Variants in PCDHGA4 observed in about 807,000 individuals in gnomAD.
PCDHGA4 encodes protocadherin gamma-A4.
A neutral mutation model predicts 54.6 loss-of-function variants in PCDHGA4; 38 were observed. The observed-to-expected ratio is 0.70, with a 90% confidence interval of 0.54 to 0.91. The LOEUF is 0.91. PCDHGA4 is among the 40% of genes least tolerant of loss of function. The probability of loss-of-function intolerance (pLI) is 0.00; values close to 1 mark genes in which losing one functional copy is unlikely to be tolerated. For missense variants in PCDHGA4, 1,298 were observed against 1,220.9 expected (o/e 1.06, Z -0.94); for synonymous variants, 511 against 512.9 (o/e 1.00, Z 0.05).
At chr5:141,419,204 GC>G (rs2096344015) in intron 1 of PCDHGA4, 9 of 1,613,916 alleles carry the variant, frequency 5.6e-6, no homozygotes, top group Non-Finnish European at 7.6e-6. Context: ...CAATGACAAC[GC>G]GCCGGTTTTC....
Position 141,408,151 on chromosome 5 carries a change from T to G in PCDHGA4, c.2514+50530T>G, listed in dbSNP as rs2154539780. ...CGAATGCTCTTTTAGCGCGGTAGAG[T>G]GCACTTTCTCCAACTGGAAAAGCGG... On this transcript the variant is annotated intron_variant, in intron 1 of 3. Transcript: ENST00000571252. 3.3e-6 allele frequency: 5 copies of G among 1,506,938 alleles called. No individual in the cohort carries two copies. In the East Asian group the frequency reaches 1.2e-4, roughly 37 times the overall value. 93.3% of individuals were successfully genotyped at this position (1,506,938 alleles called of 1,614,324 possible). A position where few individuals can be genotyped will look rare whatever the true frequency, so the allele number is the denominator to read the frequency against.
chr5:141,370,241 T>C (rs1442707721), intron 1 of PCDHGA4: 3 of 626,086 alleles, frequency 4.8e-6, no homozygotes, highest in Non-Finnish European at 7.8e-6. Flanking sequence ...GGAAGAAAAG[T>C]GCACTCTCTA....
intron 1 of PCDHGA4, chr5:141,404,304 C>T (rs1182256144): frequency 1.2e-6 from 2 of 1,613,858 alleles, no homozygotes; most frequent in African/African-American, 2.7e-5. Flanking sequence ...AATCCACCTG[C>T]TTTCTCTCAA....
At chr5:141,403,171 G>C (rs542727163) in intron 1 of PCDHGA4, 1 of 1,614,042 alleles carries the variant, frequency 6.2e-7, no homozygotes, top group Admixed American at 1.7e-5. Flanking sequence ...GTAGGACGCA[G>C]CTTTTCTCTC....
At chr5:141,403,559 G>C (rs1281537625) in intron 1 of PCDHGA4, 1 of 1,613,974 alleles carries the variant, frequency 6.2e-7, no homozygotes. Flanking sequence ...CCTGGACAGG[G>C]AGGAGGCAAC....
intron 1 of PCDHGA4, among the ~76,000 whole-genome samples, chr5:141,380,866 A>G (rs945856253): frequency 3.3e-5 from 5 of 152,264 alleles, no homozygotes; most frequent in Admixed American, 3.3e-4. Context: ...GAGAGCTATA[A>G]CCTCCAAACA....
At chr5:141,385,465 G>T in intron 1 of PCDHGA4, 1 of 1,441,910 alleles carries the variant, frequency 6.9e-7, no homozygotes, top group Non-Finnish European at 9.1e-7. Flanking sequence ...TCCTTCAGTG[G>T]TGACACTTTA....
chr5:141,475,820 C>T (rs890721743), intron 1 of PCDHGA4: 2 of 351,808 alleles, frequency 5.7e-6, no homozygotes, highest in African/African-American at 2.1e-5. Context: ...AAGTTCCTGG[C>T]GCTAGCGCGT....
intron 1 of PCDHGA4, chr5:141,389,604 G>C: frequency 6.2e-7 from 1 of 1,613,156 alleles, no homozygotes; most frequent in Non-Finnish European, 8.5e-7. Flanking sequence ...TGCGCTCTTC[G>C]ATATGGTGCC....
chr5:141,387,947 G>C (rs1240846942), intron 1 of PCDHGA4: 25 of 1,484,496 alleles, frequency 1.7e-5, no homozygotes, highest in Non-Finnish European at 2.2e-5. Context: ...TTCTCTTCCT[G>C]CTGTCTTTGT....
chr5:141,417,963 A>T (rs1260025037), intron 1 of PCDHGA4: 1 of 1,613,258 alleles, frequency 6.2e-7, no homozygotes, highest in Non-Finnish European at 8.5e-7. Flanking sequence ...CCGATCCGCT[A>T]CTCGATTCCG....
intron 1 of PCDHGA4, chr5:141,409,250 A>G: frequency 6.2e-7 from 1 of 1,614,024 alleles, no homozygotes; most frequent in Non-Finnish European, 8.5e-7. Flanking sequence ...AATAATCATC[A>G]CTTCTCTCTC....
Position 141,415,225 on chromosome 5 carries a change from T to C in PCDHGA4, c.2514+57604T>C, listed in dbSNP as rs189700811. On this transcript the variant is annotated intron_variant, in intron 1 of 3. Transcript: ENST00000571252. ...CCTGGCGGACCTCGGCAGCTTCGAG[T>C]CTCCAGCTAACTCTGAAACCTCAGA... 12,267 of 1,614,024 alleles carry C rather than the reference T, an allele frequency of 7.6e-3. 74 individuals carry two copies. Among genetic ancestry groups the C allele is most frequent in the Non-Finnish European group, 9.2e-3 (10,854 of 1,180,002 alleles).
At chr5:141,372,128 G>C in intron 1 of PCDHGA4, 1 of 1,613,702 alleles carries the variant, frequency 6.2e-7, no homozygotes, top group Non-Finnish European at 8.5e-7. Context: ...TCGATATGGT[G>C]CCGCGCTCTG....
chr5:141,451,301 G>T (rs963686418), intron 1 of PCDHGA4, among the ~76,000 whole-genome samples: 3 of 152,196 alleles, frequency 2.0e-5, no homozygotes, highest in Non-Finnish European at 4.4e-5. Flanking sequence ...AGTCTTACAA[G>T]GCAGCAATTA....
In PCDHGA4 at chr5:141,355,719, C is replaced by T; in HGVS notation, c.612C>T (p.Asn204=). The change falls in exon 1 of 4, where the codon AAC becomes AAT. Residue 204 remains asparagine (N), a synonymous_variant. Coordinates refer to ENST00000571252, the MANE Select transcript of PCDHGA4 (RefSeq NM_018917.4). ...ACTCCCTGCAGGGTTACCAGCTCAACTCAAACGGTTACTTTTCCCTGGACG... is the reference window on the plus strand; with the variant it reads ...ACTCCCTGCAGGGTTACCAGCTCAATTCAAACGGTTACTTTTCCCTGGACG... ...GVNSLQGYQL[N]SNGYFSLDVQ... 2 of 1,614,028 alleles carry T rather than the reference C, an allele frequency of 1.2e-6. No homozygotes were observed. Among genetic ancestry groups the T allele is most frequent in the Non-Finnish European group, 1.7e-6 (2 of 1,179,890 alleles).
At position 141,357,627 on chromosome 5, in the gene PCDHGA4, T is replaced by A; in HGVS notation, c.2514+6T>A. ...AAGGAGACCCTAATCTTCAGGTGAG[T>A]CAATCTTATAATAGATCATACCACA... On this transcript the variant is annotated splice_donor_region_variant and intron_variant, in intron 1 of 3. Coordinates refer to ENST00000571252, the MANE Select transcript of PCDHGA4 (RefSeq NM_018917.4). 6.2e-7 allele frequency: 1 copy of A among 1,613,408 alleles called. No individual in the cohort carries two copies. Among genetic ancestry groups the A allele is most frequent in the South Asian group, 1.1e-5 (1 of 91,058 alleles).
chr5:141,356,558 C>T lies in PCDHGA4; in HGVS notation c.1451C>T (p.Pro484Leu), dbSNP rs1307592617. 3 of 1,614,174 alleles carry T rather than the reference C, an allele frequency of 1.9e-6. No homozygotes were observed. In the South Asian group the frequency reaches 3.3e-5, roughly 18 times the overall value. Reference sequence around the variant, plus strand: ...ATCAATGACAACCCACCCACTTTCCCTCATGCTTCCTACTCTGCTTACATT... The same window carrying T: ...ATCAATGACAACCCACCCACTTTCCTTCATGCTTCCTACTCTGCTTACATT... The part of the protein sequence containing the change: ...MDINDNPPTF[P>L]HASYSAYIPE... Residue 484 changes from proline (P) to leucine (L), a missense_variant, in exon 1 of 4, where the codon CCT becomes CTT. Transcript: ENST00000571252.
chr5:141,415,147 C>A lies in PCDHGA4; in HGVS notation c.2514+57526C>A, dbSNP rs779194230. The A allele has an allele frequency of 9.9e-6, 16 of 1,613,668 alleles. No individual in the cohort carries two copies. Among genetic ancestry groups the A allele is most frequent in the African/African-American group, 1.3e-5 (1 of 74,952 alleles). On this transcript the variant is annotated intron_variant, in intron 1 of 3. Transcript: ENST00000571252. ...CGTCCAGGACCACGGCCAGCCCCCT[C>A]TCTCCGCCACTGTCACGCTCACCGT... is the stretch of plus-strand genomic sequence containing the variant.
Sources: allele counts gnomAD v4.1 joint callset (sites outside exome capture counted in the v4.1 genomes callset), GRCh38; gene constraint gnomAD v4.1.1; transcripts MANE v1.5; gene names NCBI Gene and HGNC (gene_info 2026-07-23, HGNC 2026-07-21).